FGF14: variants seen among roughly 807,000 people sequenced by gnomAD.
FGF14 encodes the protein fibroblast growth factor homologous factor 4.
Under a neutral mutation model 25.5 loss-of-function variants are expected in FGF14, and 5 were observed. That is an observed-to-expected ratio of 0.20 (90% confidence interval 0.10 to 0.41). The LOEUF (loss-of-function observed/expected upper bound fraction) is 0.41. Among genes scored for constraint, FGF14 ranks in the 10% least tolerant of loss-of-function variants. FGF14 has a pLI of 1.00. For missense variants in FGF14, 222 were observed against 320.1 expected (o/e 0.69, Z 2.34); for synonymous variants, 138 against 118.3 (o/e 1.17, Z -1.08).
Position 101,867,102 on chromosome 13 carries a change from G to A in FGF14, c.408+1623C>T, listed in dbSNP as rs528566675. On this transcript the variant is annotated intron_variant, in intron 3 of 4. Coordinates refer to ENST00000376143, the MANE Select transcript of FGF14 (RefSeq NM_004115.4). ...TCACCCTGGGCAAATGCTATTGCAC[G>A]CAGTGACCCTCATGAGATCTGATTT... Among the ~76,000 whole-genome samples the A allele has an allele frequency of 5.3e-5, 8 of 152,244 alleles. No homozygotes were observed. In the South Asian group the frequency reaches 8.3e-4, roughly 16 times the overall value.
intron 1 of FGF14, among the ~76,000 whole-genome samples, chr13:102,072,638 C>T (rs2043200140): frequency 6.6e-6 from 1 of 152,174 alleles, no homozygotes; most frequent in South Asian, 2.1e-4. Flanking sequence ...ACTCATTAAT[C>T]TTCCCACAGC....
chr13:101,916,377 A>G, intron 1 of FGF14, 76 bp downstream of exon 1: 1 of 1,543,994 alleles, frequency 6.5e-7, no homozygotes. Context: ...GAGGGAGGGA[A>G]GGAGCCTGGA....
intron 1 of FGF14, among the ~76,000 whole-genome samples, chr13:101,950,748 C>T (rs1206432576): frequency 1.8e-5 from 2 of 110,220 alleles, no homozygotes; most frequent in African/African-American, 8.5e-5. Context: ...AAAACCTAAT[C>T]ATGTTTTTTT....
At chr13:102,223,776 G>A (rs1280931849) in intron 1 of FGF14, among the ~76,000 whole-genome samples, 3 of 152,064 alleles carry the variant, frequency 2.0e-5, no homozygotes, top group Non-Finnish European at 4.4e-5. Flanking sequence ...AAAATGTTCT[G>A]CCCTAGAGCC....
chr13:102,105,461 G>GA (rs1306157421), intron 1 of FGF14, among the ~76,000 whole-genome samples: 3 of 152,058 alleles, frequency 2.0e-5, no homozygotes, highest in Non-Finnish European at 4.4e-5. Flanking sequence ...AAAAATGGGG[G>GA]AAAAATCTAG....
At chr13:101,938,545 T>C (rs1362565151) in intron 1 of FGF14, among the ~76,000 whole-genome samples, 2 of 152,350 alleles carry the variant, frequency 1.3e-5, no homozygotes, top group South Asian at 2.1e-4. Context: ...ATAAAATCCA[T>C]GCCATTGAGA....
At chr13:102,040,702 G>A (rs1246875789) in intron 1 of FGF14, among the ~76,000 whole-genome samples, 2 of 152,040 alleles carry the variant, frequency 1.3e-5, no homozygotes, top group African/African-American at 4.8e-5. Flanking sequence ...ATTGAATCTT[G>A]GTGAAAACAC....
chr13:102,027,724 T>A (rs917347718), intron 1 of FGF14, among the ~76,000 whole-genome samples: 7 of 152,054 alleles, frequency 4.6e-5, no homozygotes, highest in African/African-American at 1.7e-4. Context: ...GAGAAGAGAA[T>A]AGTTTAGGAC....
At chr13:101,748,353 G>A (rs2037031069) in intron 3 of FGF14, among the ~76,000 whole-genome samples, 1 of 151,930 alleles carries the variant, frequency 6.6e-6, no homozygotes, top group African/African-American at 2.4e-5. Context: ...GGAACTAGAG[G>A]TCATTATCTT....
intron 1 of FGF14, among the ~76,000 whole-genome samples, chr13:102,383,362 T>C (rs569315381): frequency 1.2e-4 from 18 of 152,134 alleles, no homozygotes; most frequent in Non-Finnish European, 1.8e-4. Context: ...AAAGAAAAAA[T>C]GCACAAAGGC....
intron 1 of FGF14, among the ~76,000 whole-genome samples, chr13:102,202,999 A>G (rs556716286): frequency 6.6e-6 from 1 of 152,260 alleles, no homozygotes; most frequent in Admixed American, 6.6e-5. Flanking sequence ...TAATAACCAG[A>G]TCAGGATTTA....
intron 1 of FGF14, among the ~76,000 whole-genome samples, chr13:102,217,776 C>T (rs1285315387): frequency 2.0e-5 from 3 of 152,180 alleles, no homozygotes; most frequent in African/African-American, 7.2e-5. Flanking sequence ...TGAGGTCCAC[C>T]GGTGAAGCGC....
In FGF14 at chr13:101,713,025, A is replaced by G. The variant is rs1007050150; in HGVS notation, c.*9806T>C. ...CCTCAGGAAAACAAGTCAAGACTAA[A>G]TACAATTATGCCATAGCTACGCAAG... is the stretch of plus-strand genomic sequence containing the variant. On this transcript the variant is annotated 3_prime_UTR_variant, in exon 5 of 5. Coordinates refer to ENST00000376143, the MANE Select transcript of FGF14 (RefSeq NM_004115.4). The G allele has an allele frequency of 2.6e-5, 4 of 152,204 alleles. No individual in the cohort carries two copies. Among genetic ancestry groups the G allele is most frequent in the African/African-American group, 7.2e-5 (3 of 41,452 alleles). The allele number at this position is 152,204 out of a possible 1,614,324, so 9.4% of individuals were successfully genotyped here.
rs2054657397 is a variant in FGF14, at chr13:102,295,474, TACCTTTGCACTGTGTGGTTTGTG to T, written c.208+105974_208+105996del. Among the ~76,000 whole-genome samples the T allele has an allele frequency of 4.4e-4, 67 of 152,212 alleles. 1 individual carries two copies. The highest frequency in any genetic ancestry group is 1.5e-5 in the Non-Finnish European group (1 of 68,040). On this transcript the variant is annotated intron_variant, in intron 1 of 4. Transcript: ENST00000376131. ...TTGTACGGTACTGTGTGGTTTGTGA[TACCTTTGCACTGTGTGGTTTGTG>T]ATACCTTTGCACAATTATTACACAA... is the stretch of plus-strand genomic sequence containing the variant.
chr13:101,714,433 T>A lies in FGF14; in HGVS notation c.*8398A>T. ...GATGGTGAGTAATAGCCTTTGTAAT[T>A]TCAGGTTCTTGTCATTGTGGGAAGT... On this transcript the variant is annotated 3_prime_UTR_variant, in exon 5 of 5. Transcript: ENST00000376143. The A allele has an allele frequency of 6.5e-7, 1 of 1,545,790 alleles. No individual in the cohort carries two copies. The highest frequency in any genetic ancestry group is 2.3e-5 in the East Asian group (1 of 44,362).
At position 102,374,644 on chromosome 13, in the gene FGF14, T is replaced by TTATA. The variant is rs55670716; in HGVS notation, c.208+26823_208+26826dup. Among the ~76,000 whole-genome samples the TTATA allele has an allele frequency of 8.8e-3, 431 of 49,174 alleles. 13 individuals are homozygous for TTATA. Among genetic ancestry groups the TTATA allele is most frequent in the Non-Finnish European group, 0.012 (304 of 25,408 alleles). 32.3% of individuals were successfully genotyped at this position (49,174 alleles called of 152,430 possible). On this transcript the variant is annotated intron_variant, in intron 1 of 4. Coordinates refer to the FGF14 transcript ENST00000376131. ...TTTTTTAATACATATCTTACATATT[T>TTATA]TATATATATATATATATATATATAT...
intron 1 of FGF14, among the ~76,000 whole-genome samples, chr13:101,959,507 G>A (rs998200402): frequency 1.1e-4 from 16 of 152,106 alleles, no homozygotes; most frequent in Admixed American, 9.8e-4. Flanking sequence ...TCGCATATTT[G>A]TTTCATTAAA....
At chr13:102,172,855 G>C (rs768814706) in intron 1 of FGF14, among the ~76,000 whole-genome samples, 5 of 152,158 alleles carry the variant, frequency 3.3e-5, no homozygotes, top group Non-Finnish European at 5.9e-5. Context: ...TGCACACCTG[G>C]TTAACCTACC....
intron 1 of FGF14, among the ~76,000 whole-genome samples, chr13:102,344,344 C>T (rs2138926291): frequency 6.6e-6 from 1 of 152,326 alleles, no homozygotes; most frequent in African/African-American, 2.4e-5. Flanking sequence ...CCCTACAAAA[C>T]CTATTAGCTA....
Sources: allele counts gnomAD v4.1 joint callset (sites outside exome capture counted in the v4.1 genomes callset), GRCh38; gene constraint gnomAD v4.1.1; transcripts MANE v1.5; gene names NCBI Gene and HGNC (gene_info 2026-07-23, HGNC 2026-07-21).